RBM6: variants seen among roughly 807,000 people sequenced by gnomAD.
RBM6 encodes the protein RNA binding motif protein 6, also known as RNA-binding protein 6.
RBM6 carries 23 observed loss-of-function variants against 140.4 expected under a neutral mutation model. The observed-to-expected ratio is 0.16, with a 90% CI of 0.12 to 0.23. The LOEUF (loss-of-function observed/expected upper bound fraction) is 0.23, where lower values mean the gene tolerates loss of function less well. Among genes scored for constraint, RBM6 ranks in the 10% least tolerant of loss-of-function variants. The pLI is 1.00. For missense variants in RBM6, 1,139 were observed against 1,386.7 expected, an observed-to-expected ratio of 0.82 and a Z score of 2.84; for synonymous variants, 439 against 475.6, an observed-to-expected ratio of 0.92 and a Z score of 1.00.
chr3:50,074,575 C>T (rs1309014983), intron 19 of RBM6, among the ~76,000 whole-genome samples: 1 of 152,208 alleles, frequency 6.6e-6, no homozygotes, highest in Non-Finnish European at 1.5e-5. Context: ...CCCACCTCAG[C>T]CTCCCAAAGT....
intron 19 of RBM6, 49 bp from the exon 20 acceptor site, chr3:50,075,152 G>A (rs12632751): frequency 0.075 from 117,767 of 1,566,818 alleles, 4,660 homozygotes; most frequent in Non-Finnish European, 0.082. Context: ...GTGAAACTCC[G>A]TCTCAAAAAA....
At chr3:50,068,147 C>T (rs545193000) in intron 17 of RBM6, among the ~76,000 whole-genome samples, 1 of 152,348 alleles carries the variant, frequency 6.6e-6, no homozygotes, top group East Asian at 1.9e-4. Flanking sequence ...GACTGTAGTA[C>T]TTTTCCTTTC....
chr3:50,013,823 A>G (rs954763861), intron 6 of RBM6, among the ~76,000 whole-genome samples: 2 of 152,204 alleles, frequency 1.3e-5, no homozygotes, highest in African/African-American at 4.8e-5. Flanking sequence ...TTCGTCAGGC[A>G]GTGGCTCTTA....
At chr3:49,965,385 C>T (rs1323932263) in intron 2 of RBM6, among the ~76,000 whole-genome samples, 2 of 152,180 alleles carry the variant, frequency 1.3e-5, no homozygotes, top group African/African-American at 4.8e-5. Flanking sequence ...AGAAGAACAT[C>T]TAGGGCGGGC....
intron 5 of RBM6, among the ~76,000 whole-genome samples, chr3:49,991,573 T>C (rs1458785260): frequency 6.6e-6 from 1 of 152,188 alleles, no homozygotes; most frequent in African/African-American, 2.4e-5. Flanking sequence ...AGGAGCTGTA[T>C]GCCAGGAACC....
chr3:50,039,244 A>G (rs1198900943), intron 6 of RBM6, among the ~76,000 whole-genome samples: 1 of 151,966 alleles, frequency 6.6e-6, no homozygotes, highest in East Asian at 1.9e-4. Context: ...ATTATTATTT[A>G]TTTATTTATT....
intron 15 of RBM6, among the ~76,000 whole-genome samples, chr3:50,062,899 T>G (rs2089992355): frequency 6.6e-6 from 1 of 150,464 alleles, no homozygotes; most frequent in African/African-American, 2.4e-5. Flanking sequence ...TTCCTTTTTT[T>G]TTTTTTTTTT....
chr3:49,971,156 C>G (rs1310508886), intron 3 of RBM6, among the ~76,000 whole-genome samples: 1 of 145,886 alleles, frequency 6.9e-6, no homozygotes, highest in Non-Finnish European at 1.5e-5. Flanking sequence ...ATCCCAGCTA[C>G]TCGGGAGGCT....
intron 14 of RBM6, 185 bp from the exon 15 acceptor site, chr3:50,061,777 G>A (rs2089952559): frequency 1.6e-6 from 2 of 1,281,360 alleles, no homozygotes; most frequent in Non-Finnish European, 2.1e-6. Context: ...TTGAAAAAGT[G>A]GACAGTGGGT....
At chr3:50,029,562 G>A (rs530679578) in intron 6 of RBM6, among the ~76,000 whole-genome samples, 6 of 152,090 alleles carry the variant, frequency 3.9e-5, no homozygotes, top group East Asian at 1.9e-4. Context: ...GCGAAACCCC[G>A]TCTCTACTAA....
At chr3:50,029,352 A>G (rs189367684) in intron 6 of RBM6, among the ~76,000 whole-genome samples, 11 of 152,288 alleles carry the variant, frequency 7.2e-5, no homozygotes, top group Non-Finnish European at 1.2e-4. Flanking sequence ...AAAGAGTTTA[A>G]ACAAAGAATC....
chr3:50,045,608 G>A (rs1041118831), intron 6 of RBM6, among the ~76,000 whole-genome samples: 13 of 152,166 alleles, frequency 8.5e-5, no homozygotes, highest in African/African-American at 3.1e-4. Flanking sequence ...CATTCCGTAT[G>A]AAAGCTTAGT....
chr3:49,978,510 T>A (rs998138928), intron 5 of RBM6, among the ~76,000 whole-genome samples: 4 of 152,140 alleles, frequency 2.6e-5, no homozygotes, highest in Non-Finnish European at 5.9e-5. Flanking sequence ...TTAGTGTAAT[T>A]TTTGTCTCCT....
chr3:50,052,989 GTGTGT>G (rs1559634547), intron 7 of RBM6, among the ~76,000 whole-genome samples: 8 of 3,420 alleles, frequency 2.3e-3, no homozygotes, highest in East Asian at 7.7e-3. Context: ...GGGCAGGGGT[GTGTGT>G]GTGTGTGTGT....
At chr3:50,062,678 C>G (rs1479985959) in intron 15 of RBM6, among the ~76,000 whole-genome samples, 1 of 152,002 alleles carries the variant, frequency 6.6e-6, no homozygotes, top group Non-Finnish European at 1.5e-5. Context: ...TTCTACATTC[C>G]TTTTTTAGTG....
intron 7 of RBM6, among the ~76,000 whole-genome samples, chr3:50,051,576 G>A (rs1026932749): frequency 2.6e-5 from 4 of 152,236 alleles, no homozygotes; most frequent in South Asian, 2.1e-4. Flanking sequence ...GGGAGGCAGA[G>A]GTTGCGGTGA....
intron 5 of RBM6, among the ~76,000 whole-genome samples, chr3:49,976,343 G>A (rs963697101): frequency 2.6e-5 from 4 of 152,094 alleles, no homozygotes; most frequent in African/African-American, 9.7e-5. Flanking sequence ...ATAAATTTTG[G>A]TGCTTGAAAG....
chr3:49,998,843 A>G (rs2086199445), intron 5 of RBM6, among the ~76,000 whole-genome samples: 1 of 152,114 alleles, frequency 6.6e-6, no homozygotes, highest in Admixed American at 6.5e-5. Flanking sequence ...TTATGACTTG[A>G]GTTGAAACAA....
At chr3:50,005,245 C>G (rs1157614485) in intron 6 of RBM6, among the ~76,000 whole-genome samples, 1 of 152,062 alleles carries the variant, frequency 6.6e-6, no homozygotes, top group Non-Finnish European at 1.5e-5. Context: ...ACCTGTAATT[C>G]CAGCACTTTT....
Sources: gnomAD v4.1 joint callset for allele counts (sites outside exome capture counted in the v4.1 genomes callset) on GRCh38, gnomAD v4.1.1 for gene constraint, MANE v1.5 for transcripts, NCBI Gene and HGNC (gene_info 2026-07-23, HGNC 2026-07-21) for gene names.